GALNT17: variants seen among roughly 807,000 people sequenced by gnomAD.
GALNT17 encodes the protein polypeptide N-acetylgalactosaminyltransferase 17, also known as UDP-GalNAc:polypeptide N-acetylgalactosaminyltransferase-like 3.
Under a neutral mutation model 63.7 loss-of-function variants are expected in GALNT17, and 29 were observed. The observed-to-expected ratio is 0.46, with a 90% CI of 0.34 to 0.62. GALNT17 has a LOEUF of 0.62. Among genes scored for constraint, GALNT17 ranks in the 20% least tolerant of loss-of-function variants. GALNT17 has a pLI of 0.01. For missense variants in GALNT17, 603 were observed against 799.6 expected (o/e 0.75, Z 2.97); for synonymous variants, 305 against 318.3 (o/e 0.96, Z 0.45).
At chr7:71,539,122 A>G (rs547621718) in intron 5 of GALNT17, among the ~76,000 whole-genome samples, 1 of 152,116 alleles carries the variant, frequency 6.6e-6, no homozygotes, top group South Asian at 2.1e-4. Context: ...GGCAGAGACA[A>G]AGTTTCACCA....
intron 3 of GALNT17, among the ~76,000 whole-genome samples, chr7:71,403,773 G>C (rs1378827110): frequency 6.6e-6 from 1 of 152,178 alleles, no homozygotes; most frequent in Non-Finnish European, 1.5e-5. Flanking sequence ...ACTCGAGGAA[G>C]AAGTGACCAA....
intron 1 of GALNT17, among the ~76,000 whole-genome samples, chr7:71,190,129 G>C (rs911634112): frequency 4.6e-5 from 7 of 152,160 alleles, no homozygotes; most frequent in Admixed American, 4.6e-4. Context: ...CATTTCTTCT[G>C]AGGAATCCCT....
intron 5 of GALNT17, among the ~76,000 whole-genome samples, chr7:71,504,847 C>G (rs1236934645): frequency 6.6e-6 from 1 of 152,058 alleles, no homozygotes; most frequent in Non-Finnish European, 1.5e-5. Context: ...TCCTGAATAG[C>G]TCTCAGATCT....
At position 71,148,860 on chromosome 7, in the gene GALNT17, T is replaced by TATATATATATATATATA. The variant is rs1554333242; in HGVS notation, c.238+15820_238+15821insATATATATATATATATA. Among the ~76,000 whole-genome samples, 184 of 103,062 alleles carry TATATATATATATATATA rather than the reference T, an allele frequency of 1.8e-3. 5 individuals are homozygous for TATATATATATATATATA. Among genetic ancestry groups the TATATATATATATATATA allele is most frequent in the African/African-American group, 3.0e-3 (76 of 25,398 alleles). 67.6% of individuals were successfully genotyped at this position (103,062 alleles called of 152,430 possible). Reference sequence around the variant, plus strand: ...GAAATACAGTAGTATTATGGTATTTTTATATATATATATATATATATATAT... The same window carrying TATATATATATATATATA: ...GAAATACAGTAGTATTATGGTATTTTATATATATATATATATATATATATATATATATATATATATAT... On this transcript the variant is annotated intron_variant, in intron 1 of 10. Transcript: ENST00000333538.
At chr7:71,190,507 TG>T (rs1788931608) in intron 1 of GALNT17, among the ~76,000 whole-genome samples, 1 of 152,250 alleles carries the variant, frequency 6.6e-6, no homozygotes. Context: ...GACAGCACTG[TG>T]CTTCCTGTAT....
chr7:71,183,992 T>C (rs533415519), intron 1 of GALNT17, among the ~76,000 whole-genome samples: 1 of 152,274 alleles, frequency 6.6e-6, no homozygotes, highest in South Asian at 2.1e-4. Flanking sequence ...CAAATTCATA[T>C]GAAGTCCTAA....
In GALNT17 at chr7:71,663,417, G is replaced by A. The variant is rs566165568; in HGVS notation, c.1081-1994G>A. On this transcript the variant is annotated intron_variant, in intron 6 of 10. Coordinates refer to ENST00000333538, the MANE Select transcript of GALNT17 (RefSeq NM_022479.3). ...ATTGTCCGTACCTTGAAATTCAGCC[G>A]CCTTGTTTTACTCTCTAAGACACCA... Among the ~76,000 whole-genome samples, 19 of 152,164 alleles carry A rather than the reference G, an allele frequency of 1.2e-4. No homozygotes were observed. In the Middle Eastern group the frequency reaches 0.01, roughly 82 times the overall value.
Position 71,276,245 on chromosome 7 carries a change from TG to T in GALNT17, c.239-59303del, listed in dbSNP as rs1790679227. Among the ~76,000 whole-genome samples, 6 of 151,498 alleles carry T rather than the reference TG, an allele frequency of 4.0e-5. No individual in the cohort carries two copies. The South Asian group carries it at 1.0e-3, about 26-fold the overall frequency. ...GGGCAGGTGGCTGCAGGGGTGGGGGTGGTCCATAAGAGTGAGTGTTCTGAGC... is the reference window on the plus strand; with the variant it reads ...GGGCAGGTGGCTGCAGGGGTGGGGGTGTCCATAAGAGTGAGTGTTCTGAGC... On this transcript the variant is annotated intron_variant, in intron 1 of 10. Transcript: ENST00000333538.
intron 1 of GALNT17, among the ~76,000 whole-genome samples, chr7:71,240,033 T>C (rs369448051): frequency 2.0e-5 from 3 of 152,170 alleles, no homozygotes; most frequent in African/African-American, 7.2e-5. Context: ...TTTGGACATA[T>C]TGAAATAAAA....
At chr7:71,497,088 A>G (rs1025463033) in intron 5 of GALNT17, among the ~76,000 whole-genome samples, 2 of 152,010 alleles carry the variant, frequency 1.3e-5, no homozygotes, top group African/African-American at 4.8e-5. Context: ...GAAGAAAATG[A>G]TCTGAAAGTT....
At chr7:71,584,774 A>T (rs774863122) in intron 6 of GALNT17, among the ~76,000 whole-genome samples, 18 of 151,596 alleles carry the variant, frequency 1.2e-4, no homozygotes, top group South Asian at 2.1e-4. Context: ...TTATTTATTT[A>T]ATTTATTTAT....
intron 1 of GALNT17, among the ~76,000 whole-genome samples, chr7:71,212,856 C>A (rs1002624818): frequency 6.6e-6 from 1 of 152,150 alleles, no homozygotes; most frequent in Non-Finnish European, 1.5e-5. Flanking sequence ...ACCTGTACCC[C>A]CATTGTATCT....
chr7:71,326,633 C>G (rs1428940824), intron 1 of GALNT17, among the ~76,000 whole-genome samples: 46 of 152,178 alleles, frequency 3.0e-4, no homozygotes, highest in Non-Finnish European at 1.5e-5. Flanking sequence ...CCTAGGTATA[C>G]TGTAATATTT....
intron 9 of GALNT17, among the ~76,000 whole-genome samples, chr7:71,681,273 G>A (rs1451114591): frequency 6.6e-6 from 1 of 152,216 alleles, no homozygotes; most frequent in South Asian, 2.1e-4. Context: ...ACTTGATCCA[G>A]AGGATGTCAG....
Position 71,566,157 on chromosome 7 carries a change from G to A in GALNT17, c.963-5128G>A, listed in dbSNP as rs1007641693. ...CCCAAAGTGCCGGGATTACACGCAT[G>A]AGCCACACCACACCTGGCCAGAAGC... On this transcript the variant is annotated intron_variant, in intron 5 of 10. Coordinates refer to ENST00000333538, the MANE Select transcript of GALNT17 (RefSeq NM_022479.3). Among the ~76,000 whole-genome samples the A allele has an allele frequency of 3.3e-5, 5 of 152,016 alleles. No individual in the cohort carries two copies. The South Asian group carries it at 8.3e-4, about 25-fold the overall frequency.
chr7:71,296,594 C>T (rs1391432837), intron 1 of GALNT17, among the ~76,000 whole-genome samples: 4 of 149,102 alleles, frequency 2.7e-5, no homozygotes, highest in African/African-American at 9.9e-5. Flanking sequence ...CCAGCCTGGG[C>T]AACAGAGCGA....
intron 1 of GALNT17, among the ~76,000 whole-genome samples, chr7:71,319,096 A>ATCTTTCTTTTTCTTTCTTTCTT (rs1791555315): frequency 7.6e-6 from 1 of 131,882 alleles, no homozygotes; most frequent in Non-Finnish European, 1.6e-5. Context: ...ATTTTTGTTT[A>ATCTTTCTTTTTCTTTCTTTCTT]TCTTTCTTTC....
chr7:71,565,293 G>C (rs564141185), intron 5 of GALNT17, among the ~76,000 whole-genome samples: 4 of 151,768 alleles, frequency 2.6e-5, no homozygotes, highest in Non-Finnish European at 5.9e-5. Context: ...GGCTCCTGAC[G>C]GGGAAAGATG....
intron 5 of GALNT17, among the ~76,000 whole-genome samples, chr7:71,438,720 C>CTCTAATTCTAT (rs1787011451): frequency 6.6e-6 from 1 of 152,120 alleles, no homozygotes; most frequent in South Asian, 2.1e-4. Flanking sequence ...TAGAGCAATT[C>CTCTAATTCTAT]TCTATTCTAC....
Sources: gnomAD v4.1 joint callset for allele counts (sites outside exome capture counted in the v4.1 genomes callset) on GRCh38, gnomAD v4.1.1 for gene constraint, MANE v1.5 for transcripts, NCBI Gene and HGNC (gene_info 2026-07-23, HGNC 2026-07-21) for gene names.